EIF3J: variants seen among roughly 807,000 people sequenced by gnomAD.
The protein encoded by EIF3J is eukaryotic translation initiation factor 3, subunit 1 (alpha, 35kD).
Under a neutral mutation model 39.0 loss-of-function variants are expected in EIF3J, and 15 were observed. That is an observed-to-expected ratio of 0.38 (90% confidence interval 0.26 to 0.59). The LOEUF is 0.59. Among genes scored for constraint, EIF3J ranks in the 20% least tolerant of loss-of-function variants. EIF3J has a pLI of 0.60. For synonymous variants in EIF3J, 98 were observed against 112.9 expected (o/e 0.87, Z 0.84); for missense variants, 226 against 308.6 (o/e 0.73, Z 2.00).
chr15:44,556,833 T>A (rs1029949636), intron 5 of EIF3J, among the ~76,000 whole-genome samples: 27 of 151,884 alleles, frequency 1.8e-4, no homozygotes, highest in African/African-American at 2.7e-4. Context: ...ATTAAAAAAA[T>A]TTTTTTTGTA....
chr15:44,537,328 C>G lies in EIF3J; in HGVS notation c.48C>G (p.Ala16=), dbSNP rs1488127956. 6.4e-7 allele frequency: 1 copy of G among 1,563,150 alleles called. No homozygotes were observed. ...ACGGCTCGCTTTCTTCCGTAGACGC[C>G]GACGCTTTCTCCGTGGAAGACCCAG... is the stretch of plus-strand genomic sequence containing the variant. ...AAAGDSDSWD[A]DAFSVEDPVR... The change falls in exon 2 of 8, where the codon GCC becomes GCG. Residue 16 remains alanine, a synonymous_variant. Coordinates refer to ENST00000261868, the MANE Select transcript of EIF3J (RefSeq NM_003758.4).
At chr15:44,555,655 C>T (rs945455276) in intron 5 of EIF3J, among the ~76,000 whole-genome samples, 9 of 152,164 alleles carry the variant, frequency 5.9e-5, no homozygotes, top group African/African-American at 2.2e-4. Context: ...ATTAAAGAGG[C>T]AGGTTTATGA....
At position 44,554,584 on chromosome 15, in the gene EIF3J, C is replaced by T. The variant is rs753912691; in HGVS notation, c.326C>T (p.Thr109Ile). ...LEEPEEPKVLTPEEQLADKLR... is the reference protein window; with the variant it reads ...LEEPEEPKVLIPEEQLADKLR... The stretch of plus-strand genomic sequence containing the variant: ...GAACCCGAAGAACCTAAAGTGCTAA[C>T]ACCAGAAGAACAATTAGCAGATAAA... The change falls in exon 5 of 8, where the codon ACA (threonine) becomes ATA (isoleucine). Residue 109 changes from threonine to isoleucine, a missense_variant. Transcript: ENST00000261868. The T allele has an allele frequency of 5.6e-6, 9 of 1,612,036 alleles. No individual in the cohort carries two copies. The South Asian group carries it at 7.7e-5, about 14-fold the overall frequency.
chr15:44,547,256 G>A (rs890390360), intron 2 of EIF3J, among the ~76,000 whole-genome samples: 3 of 151,904 alleles, frequency 2.0e-5, no homozygotes, highest in Non-Finnish European at 4.4e-5. Context: ...CAATTTTCCT[G>A]CCTCAGCCTC....
chr15:44,553,722 T>G (rs188888646), intron 4 of EIF3J, among the ~76,000 whole-genome samples: 23 of 152,300 alleles, frequency 1.5e-4, no homozygotes, highest in African/African-American at 5.3e-4. Context: ...TTATTTGAAA[T>G]TATGAATAAT....
intron 2 of EIF3J, among the ~76,000 whole-genome samples, chr15:44,539,315 C>T (rs564458114): frequency 4.3e-4 from 65 of 152,074 alleles, no homozygotes; most frequent in Non-Finnish European, 8.7e-4. Context: ...CGTGAGCTAC[C>T]GTACCCAGCC....
rs779149349 is a variant in EIF3J at position 44,537,232 on chromosome 15, C to G, written c.38C>G (p.Ser13Cys). The G allele has an allele frequency of 6.3e-6, 10 of 1,594,042 alleles. No homozygotes were observed. Among genetic ancestry groups the G allele is most frequent in the Non-Finnish European group, 1.7e-6 (2 of 1,170,880 alleles). Residue 13 changes from serine to cysteine, a missense_variant, in exon 1 of 8, where the codon TCC (serine) becomes TGC (cysteine). This residue lies in a region of EIF3J where 143 missense variants were observed against 156.0 expected (regional missense o/e 0.92). Transcript: ENST00000261868. Reference protein sequence around the residue: ...AAAAAAGDSDSWDADAFSVED... With the variant: ...AAAAAAGDSDCWDADAFSVED... The stretch of plus-strand genomic sequence containing the variant: ...GCGGCGGCGGCGGGGGACTCGGACT[C>G]CTGGGGTGAGGAGAAGTTGCTGGGG...
chr15:44,539,357 A>ATGTT (rs1393141513), intron 2 of EIF3J, among the ~76,000 whole-genome samples: 9 of 151,098 alleles, frequency 6.0e-5, no homozygotes, highest in Admixed American at 2.0e-4. Context: ...CACTTGGAAC[A>ATGTT]AGTTTTGGAT....
At chr15:44,560,094 A>G (rs2082179127) in intron 6 of EIF3J, among the ~76,000 whole-genome samples, 155 bp from the exon 7 acceptor site, 1 of 152,188 alleles carries the variant, frequency 6.6e-6, no homozygotes, top group African/African-American at 2.4e-5. Context: ...TTTCAAAGTT[A>G]CTGAAGTTTA....
chr15:44,547,687 A>G (rs1481721842), intron 2 of EIF3J, among the ~76,000 whole-genome samples: 1 of 151,820 alleles, frequency 6.6e-6, no homozygotes, highest in Admixed American at 6.6e-5. Flanking sequence ...TGACCTCGTG[A>G]TCCGCCCACC....
chr15:44,540,908 AT>A (rs974370841), intron 2 of EIF3J, among the ~76,000 whole-genome samples: 1 of 152,168 alleles, frequency 6.6e-6, no homozygotes, highest in African/African-American at 2.4e-5. Context: ...AGGAAAACTG[AT>A]GTTTTTGTTA....
chr15:44,560,902 A>C (rs2082187703), intron 7 of EIF3J, 116 bp from the exon 8 acceptor site: 1 of 1,387,912 alleles, frequency 7.2e-7, no homozygotes, highest in African/African-American at 1.5e-5. Context: ...TGTCCCTTAC[A>C]GAACTAGTGT....
intron 2 of EIF3J, among the ~76,000 whole-genome samples, chr15:44,541,343 A>G (rs936843730): frequency 6.6e-6 from 1 of 152,214 alleles, no homozygotes; most frequent in African/African-American, 2.4e-5. Context: ...GATTTATTCA[A>G]AGGGTACAGA....
chr15:44,545,573 A>G (rs1440806206), intron 2 of EIF3J, among the ~76,000 whole-genome samples: 1 of 152,204 alleles, frequency 6.6e-6, no homozygotes, highest in Non-Finnish European at 1.5e-5. Flanking sequence ...ACTTTTTTAA[A>G]ATTAGTTTTT....
intron 7 of EIF3J, 41 bp from the exon 8 acceptor site, chr15:44,560,977 A>G: frequency 1.2e-6 from 2 of 1,605,818 alleles, no homozygotes; most frequent in Non-Finnish European, 1.7e-6. Context: ...AGATGCCCAT[A>G]GCACACTAAG....
At chr15:44,553,306 C>T (rs766263379) in intron 4 of EIF3J, among the ~76,000 whole-genome samples, 1 of 151,938 alleles carries the variant, frequency 6.6e-6, no homozygotes, top group Non-Finnish European at 1.5e-5. Flanking sequence ...TCCTGGCTAA[C>T]ACGGTGAAAC....
rs775994053 is a variant in EIF3J at position 44,550,921 on chromosome 15, G to T, written c.193G>T (p.Val65Leu). 2 of 1,608,892 alleles carry T rather than the reference G, an allele frequency of 1.2e-6. No homozygotes were observed. The highest frequency in any genetic ancestry group is 2.2e-5 in the South Asian group (2 of 90,134). The stretch of plus-strand genomic sequence containing the variant: ...TGATGAAAAAAAAGAGGAAGCAGAA[G>T]TAAAACCAGGTGAGCCACTGGGGCG... ...DDDEKKEEAE[V>L]KPEVKISEKK... The change falls in exon 3 of 8, where the codon GTA becomes TTA. Residue 65 changes from valine (V) to leucine (L), a missense_variant. Val to Leu is a conservative substitution (Grantham distance 32). This residue lies in a region of EIF3J where 143 missense variants were observed against 156.0 expected (regional missense o/e 0.92). Transcript: ENST00000261868.
At chr15:44,551,624 C>CT (rs2082099725) in intron 4 of EIF3J, 102 bp downstream of exon 4, 11 of 865,076 alleles carry the variant, frequency 1.3e-5, no homozygotes, top group Non-Finnish European at 1.8e-5. Context: ...TCTGTGAAGA[C>CT]TGTAAATGGA....
Position 44,561,210 on chromosome 15 carries a change from A to G in EIF3J, c.*61A>G. The G allele has an allele frequency of 1.3e-6, 2 of 1,550,564 alleles. No homozygotes were observed. The highest frequency in any genetic ancestry group is 1.2e-5 in the South Asian group (1 of 85,502). On this transcript the variant is annotated 3_prime_UTR_variant, in exon 8 of 8. Coordinates refer to ENST00000261868, the MANE Select transcript of EIF3J (RefSeq NM_003758.4). ...CCACAATCCCTTGAACATGTAGCAC[A>G]ACTTCCTTTCCTTTCAGTTCTGCCA...
Sources: gnomAD v4.1 joint callset for allele counts (sites outside exome capture counted in the v4.1 genomes callset) on GRCh38, gnomAD v4.1.1 for gene constraint, gnomAD v4.1.1 regional missense constraint, MANE v1.5 for transcripts, NCBI Gene and HGNC (gene_info 2026-07-23, HGNC 2026-07-21) for gene names.